Variants in IPO11 observed in about 807,000 individuals in gnomAD.
IPO11 encodes importin 11, also known as importin-11.
A neutral mutation model predicts 143.2 loss-of-function variants in IPO11; 66 were observed. The ratio of observed to expected loss-of-function variants is 0.46; its 90% confidence interval spans 0.38 to 0.57. IPO11 has a LOEUF of 0.57. Among genes scored for constraint, IPO11 ranks in the 20% least tolerant of loss-of-function variants. The pLI is 0.00. For synonymous variants in IPO11, 385 were observed against 377.8 expected (o/e 1.02, Z -0.22); for missense variants, 1,026 against 1,141.0 (o/e 0.90, Z 1.45).
chr5:62,474,664 A>T (rs769887772), intron 8 of IPO11, among the ~76,000 whole-genome samples, 200 bp downstream of exon 8: 2 of 152,232 alleles, frequency 1.3e-5, no homozygotes. Flanking sequence ...GAGATCCTAT[A>T]TGTAGCTAAA....
chr5:62,483,071 T>C (rs746200518), intron 9 of IPO11, 30 bp from the exon 10 acceptor site: 1 of 1,355,590 alleles, frequency 7.4e-7, no homozygotes, highest in South Asian at 1.3e-5. Context: ...GAAAATACAT[T>C]TTAATTTTTA....
chr5:62,530,221 T>G (rs892056700), intron 21 of IPO11, among the ~76,000 whole-genome samples: 4 of 152,178 alleles, frequency 2.6e-5, no homozygotes, highest in African/African-American at 7.2e-5. Context: ...TATGGATACT[T>G]TAGTATATAC....
At chr5:62,539,148 CAA>C (rs1330562623) in intron 24 of IPO11, among the ~76,000 whole-genome samples, 1 of 152,068 alleles carries the variant, frequency 6.6e-6, no homozygotes, top group Non-Finnish European at 1.5e-5. Context: ...TGGCTTAAAA[CAA>C]GAGTTTCTTT....
chr5:62,549,717 A>C (rs1311927876), intron 24 of IPO11, among the ~76,000 whole-genome samples: 1 of 152,224 alleles, frequency 6.6e-6, no homozygotes, highest in Admixed American at 6.5e-5. Flanking sequence ...AAAATAAACA[A>C]ACTCCACCCT....
chr5:62,602,786 G>C (rs893125789), intron 29 of IPO11, among the ~76,000 whole-genome samples: 2 of 152,160 alleles, frequency 1.3e-5, no homozygotes, highest in African/African-American at 4.8e-5. Flanking sequence ...CTAGCACATA[G>C]TGTAGAGGAA....
intron 1 of IPO11, among the ~76,000 whole-genome samples, chr5:62,434,452 A>G (rs1446697826): frequency 1.3e-5 from 2 of 151,852 alleles, no homozygotes; most frequent in Non-Finnish European, 2.9e-5. Context: ...ACAAGTGCAC[A>G]CCACACCTGG....
intron 3 of IPO11, among the ~76,000 whole-genome samples, chr5:62,447,827 T>A (rs1744773776): frequency 6.6e-6 from 1 of 152,100 alleles, no homozygotes; most frequent in Non-Finnish European, 1.5e-5. Flanking sequence ...GCTCAAGCAG[T>A]CCAACTCTCT....
chr5:62,428,733 T>C (rs1743853115), intron 1 of IPO11, among the ~76,000 whole-genome samples: 1 of 152,078 alleles, frequency 6.6e-6, no homozygotes, highest in African/African-American at 2.4e-5. Context: ...GGCACAGTCT[T>C]AGCTCACTGC....
chr5:62,477,712 A>G (rs1746010256), intron 9 of IPO11, among the ~76,000 whole-genome samples: 1 of 152,246 alleles, frequency 6.6e-6, no homozygotes. Flanking sequence ...TCACTATATC[A>G]GTTACATAAG....
At chr5:62,455,566 A>G (rs1208616901) in intron 5 of IPO11, among the ~76,000 whole-genome samples, 3 of 152,140 alleles carry the variant, frequency 2.0e-5, no homozygotes, top group African/African-American at 7.2e-5. Flanking sequence ...TGGTTGCTAT[A>G]GCAAAGTGTA....
intron 29 of IPO11, among the ~76,000 whole-genome samples, chr5:62,614,072 G>T (rs956882775): frequency 6.6e-6 from 1 of 152,210 alleles, no homozygotes; most frequent in South Asian, 2.1e-4. Context: ...TGTGCATTGT[G>T]TGTGAACATC....
chr5:62,575,581 T>A (rs933039136), intron 27 of IPO11, among the ~76,000 whole-genome samples: 1 of 152,002 alleles, frequency 6.6e-6, no homozygotes, highest in East Asian at 1.9e-4. Flanking sequence ...TCTCCCCACC[T>A]CCCCCAGCAG....
At chr5:62,501,449 A>C (rs929451590) in intron 16 of IPO11, among the ~76,000 whole-genome samples, 1 of 152,242 alleles carries the variant, frequency 6.6e-6, no homozygotes, top group Non-Finnish European at 1.5e-5. Context: ...TAAGTTTCCT[A>C]CAGTCAGTTT....
intron 24 of IPO11, among the ~76,000 whole-genome samples, chr5:62,549,062 T>C (rs533626025): frequency 6.6e-6 from 1 of 150,956 alleles, no homozygotes; most frequent in Non-Finnish European, 1.5e-5. Flanking sequence ...TTTCCATGTT[T>C]ATCTTTTTTC....
In IPO11 at chr5:62,483,209, T is replaced by C. The variant is rs145346745; in HGVS notation, c.937T>C (p.Phe313Leu). Reference protein sequence around the residue: ...VFTEVGEGVTFERFIVQCMNL... With the variant: ...VFTEVGEGVTLERFIVQCMNL... Reference sequence around the variant, plus strand: ...TACAGAAGTTGGTGAAGGCGTTACATTTGAACGATTCATTGTCCAATGTAT... The same window carrying C: ...TACAGAAGTTGGTGAAGGCGTTACACTTGAACGATTCATTGTCCAATGTAT... Residue 313 changes from phenylalanine to leucine, a missense_variant, in exon 10 of 30, where the codon TTT becomes CTT. Physicochemically the swap from Phe to Leu is conservative, Grantham distance 22 (BLOSUM62 0). Coordinates refer to ENST00000325324, the MANE Select transcript of IPO11 (RefSeq NM_016338.5). The C allele has an allele frequency of 2.5e-6, 4 of 1,611,186 alleles. No homozygotes were observed. The highest frequency in any genetic ancestry group is 3.4e-6 in the Non-Finnish European group (4 of 1,178,124).
chr5:62,491,610 G>T (rs1746609292), intron 15 of IPO11, among the ~76,000 whole-genome samples: 1 of 151,334 alleles, frequency 6.6e-6, no homozygotes, highest in South Asian at 2.1e-4. Flanking sequence ...AATATTTATT[G>T]ATTACATGTT....
chr5:62,489,558 G>A (rs906003350), intron 14 of IPO11, among the ~76,000 whole-genome samples: 1 of 152,198 alleles, frequency 6.6e-6, no homozygotes, highest in African/African-American at 2.4e-5. Flanking sequence ...ATGATCACCA[G>A]ATAGTTTGGT....
intron 3 of IPO11, among the ~76,000 whole-genome samples, chr5:62,447,113 T>A (rs80131469): frequency 0.024 from 3,280 of 138,040 alleles, 35 homozygotes; most frequent in African/African-American, 0.04. Context: ...ATATATATAT[T>A]TTTTTTTAAG....
At chr5:62,538,395 T>A (rs558264580) in intron 24 of IPO11, among the ~76,000 whole-genome samples, 1 of 152,324 alleles carries the variant, frequency 6.6e-6, no homozygotes, top group African/African-American at 2.4e-5. Flanking sequence ...TTGTAGGGAT[T>A]ACTGCCCCCT....
Sources: allele counts gnomAD v4.1 joint callset (sites outside exome capture counted in the v4.1 genomes callset), GRCh38; gene constraint gnomAD v4.1.1; transcripts MANE v1.5; gene names NCBI Gene and HGNC (gene_info 2026-07-23, HGNC 2026-07-21).